Variants in DACH2 observed in about 807,000 individuals in gnomAD.
DACH2 encodes dachshund family transcription factor 2.
In DACH2, 17 loss-of-function variants were observed where a neutral mutation model predicts 35.8. The observed-to-expected ratio is 0.48, with a 90% CI of 0.33 to 0.71. The LOEUF is 0.71. DACH2 is among the 30% of genes least tolerant of loss of function. The probability of loss-of-function intolerance (pLI) is 0.02; values close to 1 mark genes in which losing one functional copy is unlikely to be tolerated. For synonymous variants in DACH2, 195 were observed against 177.3 expected, an observed-to-expected ratio of 1.10 and a Z score of -0.79; for missense variants, 469 against 472.7, an observed-to-expected ratio of 0.99 and a Z score of 0.07.
intron 1 of DACH2, among the ~76,000 whole-genome samples, chrX:86,173,166 A>G (rs1190633976): frequency 1.8e-5 from 2 of 111,578 alleles, no homozygotes; most frequent in African/African-American, 6.5e-5. Context: ...TCATTCATTT[A>G]CTCATCAAAT....
At chrX:86,251,010 T>C (rs1487687434) in intron 1 of DACH2, among the ~76,000 whole-genome samples, 1 of 111,230 alleles carries the variant, frequency 9.0e-6, no homozygotes, top group East Asian at 2.8e-4. Context: ...AGGTTTCCAG[T>C]TTCAAAAAGG....
chrX:86,274,707 C>G (rs1199925237), intron 1 of DACH2, among the ~76,000 whole-genome samples: 1 of 108,496 alleles, frequency 9.2e-6, no homozygotes, highest in Non-Finnish European at 1.9e-5. Context: ...ACCGTGTTAG[C>G]CAGGATGGTC....
At chrX:86,339,026 A>C (rs1445169677) in intron 1 of DACH2, among the ~76,000 whole-genome samples, 3 of 111,891 alleles carry the variant, frequency 2.7e-5, no homozygotes, top group African/African-American at 9.7e-5. Context: ...GAAGAAGTCA[A>C]ATCCCTGAAT....
intron 4 of DACH2, among the ~76,000 whole-genome samples, chrX:86,669,286 C>A (rs2040736449): frequency 9.0e-6 from 1 of 110,931 alleles, no homozygotes; most frequent in Non-Finnish European, 1.9e-5. Flanking sequence ...TTGACACATT[C>A]TTGGTGGTGT....
chrX:86,636,674 T>C (rs575500003), intron 3 of DACH2, among the ~76,000 whole-genome samples: 2 of 111,084 alleles, frequency 1.8e-5, no homozygotes, highest in South Asian at 7.6e-4. Flanking sequence ...AGATTGACAC[T>C]GTACCCCATT....
chrX:86,483,195 G>A (rs2037969134), intron 2 of DACH2, among the ~76,000 whole-genome samples: 2 of 109,701 alleles, frequency 1.8e-5, no homozygotes, highest in South Asian at 7.9e-4. Flanking sequence ...GTGATTGTGT[G>A]GGGCAGAACA....
intron 3 of DACH2, among the ~76,000 whole-genome samples, chrX:86,587,153 G>A (rs2039583357): frequency 9.0e-6 from 1 of 111,516 alleles, no homozygotes; most frequent in African/African-American, 3.3e-5. Context: ...ATATTCCAAA[G>A]CATTTTATTC....
At chrX:86,668,127 T>A (rs1237459136) in intron 4 of DACH2, among the ~76,000 whole-genome samples, 1 of 104,911 alleles carries the variant, frequency 9.5e-6, no homozygotes, top group East Asian at 2.8e-4. Context: ...AAAATAACTT[T>A]GTCTTATTGA....
intron 1 of DACH2, among the ~76,000 whole-genome samples, chrX:86,306,449 A>C (rs1294978972): frequency 8.9e-6 from 1 of 112,134 alleles, no homozygotes; most frequent in Non-Finnish European, 1.9e-5. Context: ...TGAGGGATAC[A>C]GAGTATTAAT....
intron 1 of DACH2, chrX:86,184,248 C>A: frequency 6.1e-6 from 1 of 165,149 alleles, no homozygotes; most frequent in Non-Finnish European, 1.1e-5. Context: ...CGCTCTGTTG[C>A]CCAGGCTGCA....
Position 86,498,947 on chromosome X carries a change from A to G in DACH2, c.528-15332A>G, listed in dbSNP as rs2038211020. ...TTACTTTTAAATGTTGTTTCTGGTT[A>G]TAGAAGCTGATTACTTAGCTGCTTT... On this transcript the variant is annotated intron_variant, in intron 2 of 11. Coordinates refer to ENST00000373125, the MANE Select transcript of DACH2 (RefSeq NM_053281.3). 3.6e-5 allele frequency among the ~76,000 whole-genome samples: 4 copies of G among 112,037 alleles called. No homozygotes were observed. In the South Asian group the frequency reaches 1.5e-3, roughly 41 times the overall value.
chrX:86,329,752 G>C (rs1411309555), intron 1 of DACH2, among the ~76,000 whole-genome samples: 3 of 111,196 alleles, frequency 2.7e-5, no homozygotes, highest in African/African-American at 9.8e-5. Flanking sequence ...CATGTTATGG[G>C]ACTTTCATTT....
intron 1 of DACH2, among the ~76,000 whole-genome samples, chrX:86,295,020 C>T (rs2148005174): frequency 8.9e-6 from 1 of 112,851 alleles, no homozygotes; most frequent in East Asian, 2.8e-4. Context: ...CTCCTCCAGC[C>T]TCACTGCCGC....
intron 3 of DACH2, among the ~76,000 whole-genome samples, chrX:86,527,724 G>T (rs2148284356): frequency 8.9e-6 from 1 of 111,940 alleles, no homozygotes; most frequent in Non-Finnish European, 1.9e-5. Flanking sequence ...AAATGGAATT[G>T]CTGGGTTGTA....
At chrX:86,465,634 C>A (rs915920166) in intron 2 of DACH2, among the ~76,000 whole-genome samples, 2 of 112,069 alleles carry the variant, frequency 1.8e-5, no homozygotes, top group African/African-American at 6.5e-5. Context: ...GTATTTATTA[C>A]ATCAGAAAGA....
At chrX:86,686,034 G>A (rs10482024) in intron 4 of DACH2, among the ~76,000 whole-genome samples, 4,463 of 111,133 alleles carry the variant, frequency 0.04, 218 homozygotes, top group African/African-American at 0.14. Flanking sequence ...ATGAAAGAAG[G>A]AACTCAAATT....
At chrX:86,466,251 G>A (rs779188288) in intron 2 of DACH2, among the ~76,000 whole-genome samples, 4 of 111,270 alleles carry the variant, frequency 3.6e-5, no homozygotes, top group Non-Finnish European at 5.7e-5. Context: ...AGAACAGTAT[G>A]GGGTAAACAG....
At chrX:86,645,232 C>A (rs1387439693) in intron 3 of DACH2, among the ~76,000 whole-genome samples, 1 of 110,827 alleles carries the variant, frequency 9.0e-6, no homozygotes, top group Non-Finnish European at 1.9e-5. Context: ...TAAAAACAAC[C>A]CCTCTAAAAA....
chrX:86,762,849 C>T (rs1449407716), intron 7 of DACH2, among the ~76,000 whole-genome samples: 1 of 111,564 alleles, frequency 9.0e-6, no homozygotes, highest in Middle Eastern at 4.2e-3. Flanking sequence ...TTAAAATGTA[C>T]AATTGCATTA....
Sources: allele counts gnomAD v4.1 joint callset (sites outside exome capture counted in the v4.1 genomes callset), GRCh38; gene constraint gnomAD v4.1.1; transcripts MANE v1.5; gene names NCBI Gene and HGNC (gene_info 2026-07-23, HGNC 2026-07-21).